AVIL: variants seen among roughly 807,000 people sequenced by gnomAD.
AVIL encodes the protein advillin.
AVIL carries 78 observed loss-of-function variants against 109.9 expected under a neutral mutation model. The observed-to-expected ratio is 0.71, with a 90% CI of 0.59 to 0.86. The LOEUF (loss-of-function observed/expected upper bound fraction) is 0.86. AVIL is among the 40% of genes least tolerant of loss of function. The pLI, the probability that AVIL is intolerant of heterozygous loss-of-function variation, is 0.00. For missense variants in AVIL, 892 were observed against 1,016.5 expected (o/e 0.88, Z 1.67); for synonymous variants, 367 against 379.1 (o/e 0.97, Z 0.37).
intron 9 of AVIL, chr12:57,809,056 C>T (rs567404243): frequency 5.4e-5 from 9 of 166,698 alleles, no homozygotes; most frequent in African/African-American, 1.7e-4. Flanking sequence ...GCTGGAGTGC[C>T]GTGGCGTGAT....
chr12:57,815,553 C>G (rs970773276), intron 2 of AVIL: 2 of 1,222,792 alleles, frequency 1.6e-6, no homozygotes, highest in Admixed American at 6.4e-5. Flanking sequence ...CTGAACAGCT[C>G]CTCATCTCTG....
chr12:57,798,219 T>G (rs1003205182), intron 19 of AVIL, among the ~76,000 whole-genome samples: 1 of 152,352 alleles, frequency 6.6e-6, no homozygotes, highest in South Asian at 2.1e-4. Context: ...CTGGATTCAC[T>G]GCTCTCACAG....
In AVIL at chr12:57,803,514, G is replaced by C. The variant is rs1438135780; in HGVS notation, c.1817+10C>G. 1 of 1,614,186 alleles carries C rather than the reference G, an allele frequency of 6.2e-7. No individual in the cohort carries two copies. The highest frequency in any genetic ancestry group is 8.5e-7 in the Non-Finnish European group (1 of 1,180,022). ...GGAGCCCAGAAGAGGGGGAGGCTGT[G>C]TTCCCATACCTTTTATCATTGGCAT... is the stretch of plus-strand genomic sequence containing the variant. On this transcript the variant is annotated intron_variant, in intron 15 of 19. Transcript: ENST00000549994.
At chr12:57,812,083 C>G (rs985041506) in intron 4 of AVIL, among the ~76,000 whole-genome samples, 4 of 152,154 alleles carry the variant, frequency 2.6e-5, no homozygotes, top group Non-Finnish European at 4.4e-5. Flanking sequence ...CTTGACCTCC[C>G]GGGCTCAAGT....
chr12:57,800,978 C>G (rs1430299392), intron 18 of AVIL, among the ~76,000 whole-genome samples, 166 bp downstream of exon 18: 1 of 152,200 alleles, frequency 6.6e-6, no homozygotes, highest in Non-Finnish European at 1.5e-5. Flanking sequence ...GAACTTGGCT[C>G]TGAGACCTGC....
Position 57,809,966 on chromosome 12 carries a change from T to G in AVIL, c.762-76A>C, listed in dbSNP as rs1172353783. 3 of 1,517,396 alleles carry G rather than the reference T, an allele frequency of 2.0e-6. No individual in the cohort carries two copies. The African/African-American group carries it at 4.1e-5, about 21-fold the overall frequency. 94.0% of individuals were successfully genotyped at this position (1,517,396 alleles called of 1,614,324 possible). A position where few individuals can be genotyped will look rare whatever the true frequency, so the allele number is the denominator to read the frequency against. ...GTAGTCAACTAGATGTTGTTCTGGT[T>G]TGGTTTTAGTTTGGAGTTTCTAGGT... On this transcript the variant is annotated intron_variant, in intron 7 of 19. Coordinates refer to ENST00000549994, the MANE Select transcript of AVIL (RefSeq NM_006576.4).
chr12:57,800,026 C>T (rs1955815667), intron 18 of AVIL, 106 bp from the exon 19 acceptor site: 4 of 1,406,540 alleles, frequency 2.8e-6, no homozygotes, highest in Non-Finnish European at 2.9e-6. Context: ...TGCCACTTCA[C>T]CCTCTGTAAT....
Position 57,808,045 on chromosome 12 carries a change from GACTC to G in AVIL, c.1194+145_1194+148del, listed in dbSNP as rs543354387. On this transcript the variant is annotated intron_variant, in intron 11 of 19. Transcript: ENST00000549994. Reference sequence around the variant, plus strand: ...CTTTCACTACCCTGAAAACTCTACAGACTCACAAGACTCTTAAAGAAGACTCCTG... The same window carrying G: ...CTTTCACTACCCTGAAAACTCTACAGACAAGACTCTTAAAGAAGACTCCTG... 5.4e-4 allele frequency: 503 copies of G among 934,648 alleles called. 3 individuals are homozygous for G. In the African/African-American group the frequency reaches 6.8e-3, roughly 13 times the overall value. 57.9% of individuals were successfully genotyped at this position (934,648 alleles called of 1,614,324 possible).
At chr12:57,808,813 T>G in intron 9 of AVIL, 1 of 449,250 alleles carries the variant, frequency 2.2e-6, no homozygotes, top group Non-Finnish European at 4.0e-6. Context: ...GTTCTTTCAG[T>G]ACTTTTGTCC....
chr12:57,810,869 T>A lies in AVIL; in HGVS notation c.505A>T (p.Lys169Ter), dbSNP rs1186431338. 5.6e-6 allele frequency: 9 copies of A among 1,614,046 alleles called. No homozygotes were observed. In the South Asian group the frequency reaches 8.8e-5, roughly 16 times the overall value. ...GGGCCATTCCATTGGATGATGACTT[T>A]CCCAAGGTCCAGCAAGAAGACATCA... is the stretch of plus-strand genomic sequence containing the variant. ...RGDVFLLDLG[K>*]VIIQWNGPES... Residue 169 changes from lysine (K) to a stop codon, truncating the protein, a stop_gained, in exon 6 of 20, where the codon AAA becomes TAA. Coordinates refer to ENST00000549994, the MANE Select transcript of AVIL (RefSeq NM_006576.4). LOFTEE classifies it high-confidence loss of function.
intron 14 of AVIL, chr12:57,805,719 T>G (rs1955932489): frequency 6.6e-6 from 1 of 152,086 alleles, no homozygotes; most frequent in East Asian, 1.9e-4. Context: ...GTATTTTTAG[T>G]AGAGACGGGG....
At position 57,818,336 on chromosome 12, in the gene AVIL, G is replaced by A. The variant is rs4760331; in HGVS notation, c.-20+293C>T. On this transcript the variant is annotated intron_variant, in intron 1 of 19. Transcript: ENST00000549994. ...ATTACAGGTGTAAGCCACCTCTCTG[G>A]GCCAGGAAGCTGGTTTTAACTCCTC... is the stretch of plus-strand genomic sequence containing the variant. Among the ~76,000 whole-genome samples the A allele has an allele frequency of 3.9e-3, 597 of 151,712 alleles. 17 individuals are homozygous for A. In the South Asian group the frequency reaches 0.07, roughly 18 times the overall value.
In AVIL at chr12:57,809,571, C is replaced by T. The variant is rs3825079; in HGVS notation, c.939+26G>A. On this transcript the variant is annotated intron_variant, in intron 9 of 19. Coordinates refer to ENST00000549994, the MANE Select transcript of AVIL (RefSeq NM_006576.4). ...AGTGCTCTTAGCAGAATTATTTGAA[C>T]AGTATTGCACATCTGTAGCTCCTAC... The T allele has an allele frequency of 0.33, 533,798 of 1,611,080 alleles. 96,185 individuals carry two copies. Among genetic ancestry groups the T allele is most frequent in the East Asian group, 0.69 (30,940 of 44,864 alleles).
Position 57,801,126 on chromosome 12 carries a change from A to C in AVIL, c.2220+18T>G, listed in dbSNP as rs1300494990. The C allele has an allele frequency of 6.2e-7, 1 of 1,611,682 alleles. No individual in the cohort carries two copies. Among genetic ancestry groups the C allele is most frequent in the Non-Finnish European group, 8.5e-7 (1 of 1,178,846 alleles). The stretch of plus-strand genomic sequence containing the variant: ...TTGCCCATGTGGCTGGCTTCTCCCA[A>C]GAGCGAACCCGACTCACAGCAGTGA... On this transcript the variant is annotated intron_variant, in intron 18 of 19. Coordinates refer to ENST00000549994, the MANE Select transcript of AVIL (RefSeq NM_006576.4).
In AVIL at chr12:57,809,812, A is replaced by T; in HGVS notation, c.840T>A (p.Asp280Glu). The T allele has an allele frequency of 6.2e-7, 1 of 1,614,122 alleles. No homozygotes were observed. The change falls in exon 8 of 20, where the codon GAT (aspartate) becomes GAA (glutamate). Residue 280 changes from aspartate to glutamate, a missense_variant and splice_region_variant. Coordinates refer to ENST00000549994, the MANE Select transcript of AVIL (RefSeq NM_006576.4). ...RPLVQDLLNH[D>E]DCYILDQSGT... ...CTAAGTCCACCCAAACTCTACTTAC[A>T]TCATGGTTCAGTAAGTCCTGGACCA...
intron 9 of AVIL, 165 bp from the exon 10 acceptor site, chr12:57,808,713 T>TAA (rs373109688): frequency 3.1e-5 from 21 of 671,458 alleles, no homozygotes; most frequent in Non-Finnish European, 4.1e-5. Flanking sequence ...GGTACCTGCC[T>TAA]AAAAAAAAAA....
chr12:57,815,695 G>T, intron 2 of AVIL: 1 of 1,375,736 alleles, frequency 7.3e-7, no homozygotes, highest in South Asian at 1.4e-5. Context: ...GGTGTTTCCT[G>T]CAAGTGCAGA....
intron 9 of AVIL, 52 bp from the exon 10 acceptor site, chr12:57,808,600 T>A: frequency 4.4e-6 from 7 of 1,589,934 alleles, no homozygotes; most frequent in Non-Finnish European, 6.0e-6. Flanking sequence ...TACACTGAGT[T>A]CTTTGCTTGT....
At chr12:57,814,908 T>C (rs1314299242) in intron 2 of AVIL, 1 of 152,394 alleles carries the variant, frequency 6.6e-6, no homozygotes, top group Non-Finnish European at 1.5e-5. Context: ...AAATGTTAAA[T>C]ATACTGCAAA....
Sources: gnomAD v4.1 joint callset for allele counts (sites outside exome capture counted in the v4.1 genomes callset) on GRCh38, gnomAD v4.1.1 for gene constraint, MANE v1.5 for transcripts, NCBI Gene and HGNC (gene_info 2026-07-23, HGNC 2026-07-21) for gene names.